KCNIP4: variants seen among roughly 807,000 people sequenced by gnomAD.
KCNIP4 encodes potassium voltage-gated channel interacting protein 4.
In KCNIP4, 12 loss-of-function variants were observed where a neutral mutation model predicts 34.0. That is an observed-to-expected ratio of 0.35 (90% CI 0.23 to 0.57). The LOEUF is 0.57. Among genes scored for constraint, KCNIP4 ranks in the 20% least tolerant of loss-of-function variants. The pLI is 0.83. For synonymous variants in KCNIP4, 124 were observed against 102.2 expected, an observed-to-expected ratio of 1.21 and a Z score of -1.29; for missense variants, 238 against 311.7, an observed-to-expected ratio of 0.76 and a Z score of 1.78.
chr4:21,639,934 GAATT>G (rs1746494608), intron 1 of KCNIP4, among the ~76,000 whole-genome samples: 1 of 152,032 alleles, frequency 6.6e-6, no homozygotes, highest in Non-Finnish European at 1.5e-5. Context: ...GTATCTTCTG[GAATT>G]AATAGCAGTT....
At chr4:21,720,966 C>T (rs1472473633) in intron 1 of KCNIP4, among the ~76,000 whole-genome samples, 1 of 151,956 alleles carries the variant, frequency 6.6e-6, no homozygotes, top group Non-Finnish European at 1.5e-5. Context: ...TGAATAGTGC[C>T]ACAGTAAACA....
Position 20,729,424 on chromosome 4 carries a change from T to TTATTAAAATAAGTTTTATTAGGCA in KCNIP4, c.*634_*657dup, listed in dbSNP as rs1747197644. 6.6e-6 allele frequency: 1 copy of TTATTAAAATAAGTTTTATTAGGCA among 152,280 alleles called. No individual in the cohort carries two copies. Among genetic ancestry groups the TTATTAAAATAAGTTTTATTAGGCA allele is most frequent in the African/African-American group, 2.4e-5 (1 of 41,318 alleles). The allele number at this position is 152,280 out of a possible 1,614,324, so 9.4% of individuals were successfully genotyped here. A position where few individuals can be genotyped will look rare whatever the true frequency, so the allele number is the denominator to read the frequency against. On this transcript the variant is annotated 3_prime_UTR_variant, in exon 9 of 9. Coordinates refer to ENST00000382152, the MANE Select transcript of KCNIP4 (RefSeq NM_025221.6). ...TAACATATTATGGAAAATTAAATGC[T>TTATTAAAATAAGTTTTATTAGGCA]TATTAAAATAAGTTTTATTAGGCAT... is the stretch of plus-strand genomic sequence containing the variant.
intron 5 of KCNIP4, among the ~76,000 whole-genome samples, chr4:20,745,310 T>C (rs1752185265): frequency 6.6e-6 from 1 of 152,200 alleles, no homozygotes; most frequent in African/African-American, 2.4e-5. Context: ...TCTTGAATAC[T>C]GTATATCCTG....
At chr4:21,671,305 C>T (rs1749486527) in intron 1 of KCNIP4, among the ~76,000 whole-genome samples, 1 of 152,134 alleles carries the variant, frequency 6.6e-6, no homozygotes, top group Non-Finnish European at 1.5e-5. Context: ...ATTTTAAAAA[C>T]TATTGGAGGG....
chr4:21,321,067 T>G (rs1248717792), intron 1 of KCNIP4, among the ~76,000 whole-genome samples: 1 of 151,922 alleles, frequency 6.6e-6, no homozygotes, highest in East Asian at 1.9e-4. Context: ...TCCTGAGTTC[T>G]GGAAAAAATG....
chr4:20,730,538 T>A (rs762333230), intron 8 of KCNIP4, among the ~76,000 whole-genome samples: 1 of 151,898 alleles, frequency 6.6e-6, no homozygotes, highest in Non-Finnish European at 1.5e-5. Context: ...AATTTGTGTG[T>A]ATGAGCCAGC....
At chr4:21,487,544 T>C (rs1173853335) in intron 1 of KCNIP4, among the ~76,000 whole-genome samples, 1 of 152,164 alleles carries the variant, frequency 6.6e-6, no homozygotes, top group Non-Finnish European at 1.5e-5. Flanking sequence ...AGGAAGTCCC[T>C]ATGTGCAGTC....
intron 1 of KCNIP4, among the ~76,000 whole-genome samples, chr4:21,145,842 G>C (rs974347821): frequency 1.3e-5 from 2 of 152,114 alleles, no homozygotes; most frequent in Admixed American, 6.5e-5. Context: ...CAATACCCAC[G>C]CCTGACTAAA....
At chr4:20,858,280 G>A (rs1221084647) in intron 2 of KCNIP4, among the ~76,000 whole-genome samples, 1 of 149,040 alleles carries the variant, frequency 6.7e-6, no homozygotes, top group South Asian at 2.2e-4. Context: ...CAGAAGAAAG[G>A]CCATGTGAAG....
intron 1 of KCNIP4, among the ~76,000 whole-genome samples, chr4:21,904,856 T>G (rs1017967528): frequency 6.6e-6 from 1 of 152,106 alleles, no homozygotes; most frequent in Admixed American, 6.6e-5. Context: ...TCTCCAGACA[T>G]TGCCCAATTT....
intron 1 of KCNIP4, among the ~76,000 whole-genome samples, chr4:21,546,865 T>G (rs1738191418): frequency 6.6e-6 from 1 of 152,090 alleles, no homozygotes; most frequent in Non-Finnish European, 1.5e-5. Context: ...CTGGTCTCCA[T>G]TCTGGAGGTT....
At chr4:20,832,759 A>C (rs1718576724) in intron 3 of KCNIP4, among the ~76,000 whole-genome samples, 1 of 149,372 alleles carries the variant, frequency 6.7e-6, no homozygotes, top group Non-Finnish European at 1.5e-5. Context: ...AGCATGAAGG[A>C]TTTGGTAGGT....
intron 1 of KCNIP4, among the ~76,000 whole-genome samples, chr4:21,357,228 G>C (rs1048945467): frequency 2.0e-5 from 3 of 152,100 alleles, no homozygotes; most frequent in Non-Finnish European, 2.9e-5. Context: ...AGAAAACTTA[G>C]GCAATACCAT....
At chr4:20,839,171 T>C (rs975043648) in intron 3 of KCNIP4, among the ~76,000 whole-genome samples, 11 of 152,136 alleles carry the variant, frequency 7.2e-5, no homozygotes, top group African/African-American at 2.7e-4. Context: ...CTCAAATCTG[T>C]ATGTGTGAAT....
At chr4:21,941,320 C>G (rs930919024) in intron 1 of KCNIP4, among the ~76,000 whole-genome samples, 2 of 152,126 alleles carry the variant, frequency 1.3e-5, no homozygotes, top group African/African-American at 4.8e-5. Context: ...CGTCATTAGA[C>G]TGCAGTAGAT....
At chr4:21,597,290 G>A (rs551384771) in intron 1 of KCNIP4, among the ~76,000 whole-genome samples, 5 of 152,114 alleles carry the variant, frequency 3.3e-5, no homozygotes, top group African/African-American at 1.2e-4. Flanking sequence ...TTTCTCTCTT[G>A]TCTGCCGCGA....
chr4:21,207,300 G>A (rs1756918022), intron 1 of KCNIP4, among the ~76,000 whole-genome samples: 1 of 152,106 alleles, frequency 6.6e-6, no homozygotes, highest in Non-Finnish European at 1.5e-5. Context: ...TTCCTCTTTG[G>A]AATGCATCTT....
intron 1 of KCNIP4, chr4:21,613,382 T>G (rs1292957380): frequency 6.6e-6 from 1 of 152,108 alleles, no homozygotes; most frequent in Non-Finnish European, 1.5e-5. Flanking sequence ...TATGGAGCAG[T>G]TTACATGGAG....
chr4:21,062,855 C>T (rs982305897), intron 1 of KCNIP4, among the ~76,000 whole-genome samples: 2 of 152,088 alleles, frequency 1.3e-5, no homozygotes, highest in Non-Finnish European at 2.9e-5. Flanking sequence ...TTGGAGGAGG[C>T]CTGCCCACAT....
Sources: gnomAD v4.1 joint callset for allele counts (sites outside exome capture counted in the v4.1 genomes callset) on GRCh38, gnomAD v4.1.1 for gene constraint, MANE v1.5 for transcripts, NCBI Gene and HGNC (gene_info 2026-07-23, HGNC 2026-07-21) for gene names.